The following CACNA1E variants were observed in gnomAD, a reference collection of about 807,000 sequenced individuals.
The protein encoded by CACNA1E is voltage-dependent R-type calcium channel subunit alpha-1E.
Under a neutral mutation model 259.2 loss-of-function variants are expected in CACNA1E, and 40 were observed. The observed-to-expected ratio is 0.15, with a 90% CI of 0.12 to 0.20. CACNA1E has a LOEUF of 0.20. Among genes scored for constraint, CACNA1E ranks in the 10% least tolerant of loss-of-function variants. CACNA1E has a pLI of 1.00. For missense variants in CACNA1E, 1,874 were observed against 3,040.1 expected (o/e 0.62, Z 9.02); for synonymous variants, 1,104 against 1,138.5 (o/e 0.97, Z 0.61).
At chr1:181,765,051 A>C (rs952885492) in intron 34 of CACNA1E, among the ~76,000 whole-genome samples, 5 of 152,172 alleles carry the variant, frequency 3.3e-5, no homozygotes. Flanking sequence ...GTGACACAGT[A>C]TAGAAGTTTG....
At chr1:181,547,482 G>A (rs1208289547) in intron 3 of CACNA1E, among the ~76,000 whole-genome samples, 1 of 152,242 alleles carries the variant, frequency 6.6e-6, no homozygotes, top group Non-Finnish European at 1.5e-5. Flanking sequence ...AGAAATGGAA[G>A]GGACCTTGGA....
At chr1:181,371,940 C>A (rs1181349381) in intron 1 of CACNA1E, among the ~76,000 whole-genome samples, 2 of 152,156 alleles carry the variant, frequency 1.3e-5, no homozygotes, top group African/African-American at 4.8e-5. Flanking sequence ...TTCCATTAGT[C>A]TATGTATCTG....
intron 1 of CACNA1E, among the ~76,000 whole-genome samples, chr1:181,491,322 C>G (rs1664297287): frequency 6.6e-6 from 1 of 152,244 alleles, no homozygotes; most frequent in Admixed American, 6.5e-5. Flanking sequence ...ACCTGTGTCT[C>G]AGAATCACCT....
In CACNA1E at chr1:181,443,918, C is replaced by T. The variant is rs145028430; in HGVS notation, c.434+30338C>T. On this transcript the variant is annotated intron_variant, in intron 2 of 11. Coordinates refer to the CACNA1E transcript ENST00000524607. Reference sequence around the variant, plus strand: ...CAAAATAATTTAGTTTCATAGTACACTGATGGGAAATGGAGCTTTTACTGA... The same window carrying T: ...CAAAATAATTTAGTTTCATAGTACATTGATGGGAAATGGAGCTTTTACTGA... Among the ~76,000 whole-genome samples, 503 of 152,342 alleles carry T rather than the reference C, an allele frequency of 3.3e-3. 3 individuals carry two copies. Among genetic ancestry groups the T allele is most frequent in the African/African-American group, 0.011 (474 of 41,576 alleles).
intron 1 of CACNA1E, among the ~76,000 whole-genome samples, chr1:181,383,759 C>T (rs1018668584): frequency 6.6e-6 from 1 of 152,234 alleles, no homozygotes; most frequent in Non-Finnish European, 1.5e-5. Flanking sequence ...ACTATATTTC[C>T]CTGCCTCCCT....
chr1:181,365,543 T>G (rs1571675424), intron 1 of CACNA1E, among the ~76,000 whole-genome samples: 1 of 152,266 alleles, frequency 6.6e-6, no homozygotes. Context: ...TCAGGGCAGC[T>G]GCAGCCTATT....
chr1:181,423,508 G>T (rs1297426000), intron 2 of CACNA1E, among the ~76,000 whole-genome samples: 2 of 152,104 alleles, frequency 1.3e-5, no homozygotes, highest in South Asian at 2.1e-4. Context: ...TGTCTCATGT[G>T]CCCTGCAGCT....
chr1:181,695,145 A>G (rs1252241347), intron 7 of CACNA1E, among the ~76,000 whole-genome samples: 5 of 152,218 alleles, frequency 3.3e-5, no homozygotes, highest in Non-Finnish European at 5.9e-5. Context: ...AATAACAAAA[A>G]AATCAAATAT....
At position 181,766,611 on chromosome 1, in the gene CACNA1E, G is replaced by A. The variant is rs1428825392; in HGVS notation, c.4881G>A (p.Gln1627=). The change falls in exon 35 of 48, where the codon CAG becomes CAA. Residue 1627 remains glutamine (Q), a splice_region_variant and synonymous_variant. Coordinates refer to ENST00000367573, the MANE Select transcript of CACNA1E (RefSeq NM_001205293.3). ...LFFIYAIIGM[Q]VFGNIKLDEE... Reference sequence around the variant, plus strand: ...TCATTTATGCCATCATTGGGATGCAGGTGAGCTGGTAAATCAAGGGCCCGG... The same window carrying A: ...TCATTTATGCCATCATTGGGATGCAAGTGAGCTGGTAAATCAAGGGCCCGG... 1 of 1,610,914 alleles carries A rather than the reference G, an allele frequency of 6.2e-7. No homozygotes were observed. Among genetic ancestry groups the A allele is most frequent in the Admixed American group, 1.7e-5 (1 of 59,932 alleles).
At chr1:181,318,406 T>G (rs181476288) in intron 1 of CACNA1E, among the ~76,000 whole-genome samples, 79 of 152,260 alleles carry the variant, frequency 5.2e-4, no homozygotes, top group African/African-American at 1.8e-3. Flanking sequence ...CTTTGGCACT[T>G]AGGGTGTGAG....
At chr1:181,510,698 C>T in intron 2 of CACNA1E, 116 bp downstream of exon 2, 1 of 699,054 alleles carries the variant, frequency 1.4e-6, no homozygotes, top group East Asian at 2.7e-5. Flanking sequence ...GGAGTTTGCT[C>T]TTTGCTGGGG....
chr1:181,763,320 G>A, intron 33 of CACNA1E, 86 bp from the exon 34 acceptor site: 1 of 1,074,616 alleles, frequency 9.3e-7, no homozygotes, highest in Non-Finnish European at 1.3e-6. Flanking sequence ...TTATCGGAAT[G>A]AGGGATAAAT....
chr1:181,551,216 C>T lies in CACNA1E; in HGVS notation c.513-26550C>T, dbSNP rs1035729461. Among the ~76,000 whole-genome samples the T allele has an allele frequency of 2.0e-5, 3 of 152,222 alleles. No individual in the cohort carries two copies. In the East Asian group the frequency reaches 5.8e-4, roughly 29 times the overall value. On this transcript the variant is annotated intron_variant, in intron 3 of 47. Transcript: ENST00000367573. Reference sequence around the variant, plus strand: ...TCCTGTTGGGGAAGGACAAGGTAAACTCTCCCTCTCTGGTCCTCCCACCTG... The same window carrying T: ...TCCTGTTGGGGAAGGACAAGGTAAATTCTCCCTCTCTGGTCCTCCCACCTG...
chr1:181,677,964 C>A (rs1216689739), intron 7 of CACNA1E, among the ~76,000 whole-genome samples: 1 of 152,120 alleles, frequency 6.6e-6, no homozygotes, highest in Non-Finnish European at 1.5e-5. Flanking sequence ...TCATGGAGGA[C>A]CTCACAGCAG....
chr1:181,720,942 C>T, intron 15 of CACNA1E, 87 bp downstream of exon 15: 1 of 875,332 alleles, frequency 1.1e-6, no homozygotes, highest in Non-Finnish European at 1.8e-6. Flanking sequence ...CAGGATAATT[C>T]TGCTTTTCCT....
At position 181,661,719 on chromosome 1, in the gene CACNA1E, A is replaced by G. The variant is rs1392055765; in HGVS notation, c.1055+10278A>G. 1.3e-5 allele frequency among the ~76,000 whole-genome samples: 2 copies of G among 152,224 alleles called. 1 individual carries two copies. The highest frequency in any genetic ancestry group is 2.9e-5 in the Non-Finnish European group (2 of 68,038). ...ACCCATCAAGCATTGTGCCAATCACATGACACATATTGTCTCATTTAATCC... is the reference window on the plus strand; with the variant it reads ...ACCCATCAAGCATTGTGCCAATCACGTGACACATATTGTCTCATTTAATCC... On this transcript the variant is annotated intron_variant, in intron 7 of 47. Transcript: ENST00000367573.
At chr1:181,719,043 A>G (rs1654189723) in intron 12 of CACNA1E, among the ~76,000 whole-genome samples, 1 of 152,212 alleles carries the variant, frequency 6.6e-6, no homozygotes, top group African/African-American at 2.4e-5. Flanking sequence ...CTTGGAACAT[A>G]TGGTTCTGAG....
chr1:181,407,596 A>T (rs926846254), intron 1 of CACNA1E, among the ~76,000 whole-genome samples: 1 of 152,216 alleles, frequency 6.6e-6, no homozygotes, highest in African/African-American at 2.4e-5. Flanking sequence ...TGTACATTAG[A>T]GATTGAGAAG....
chr1:181,469,325 A>T (rs1662346582), intron 2 of CACNA1E, among the ~76,000 whole-genome samples: 1 of 152,154 alleles, frequency 6.6e-6, no homozygotes, highest in Non-Finnish European at 1.5e-5. Context: ...GGCTTGGGGA[A>T]TGCTTGTTGT....
Sources: allele counts gnomAD v4.1 joint callset (sites outside exome capture counted in the v4.1 genomes callset), GRCh38; gene constraint gnomAD v4.1.1; transcripts MANE v1.5; gene names NCBI Gene and HGNC (gene_info 2026-07-23, HGNC 2026-07-21).